Variants in CHRM5 observed in about 807,000 individuals in gnomAD.
CHRM5 encodes cholinergic receptor muscarinic 5.
Under a neutral mutation model 39.0 loss-of-function variants are expected in CHRM5, and 18 were observed. That is an observed-to-expected ratio of 0.46 (90% CI 0.32 to 0.68). CHRM5 has a LOEUF of 0.68. Among genes scored for constraint, CHRM5 ranks in the 30% least tolerant of loss-of-function variants. The pLI, the probability that CHRM5 is intolerant of heterozygous loss-of-function variation, is 0.04. For missense variants in CHRM5, 515 were observed against 651.1 expected (o/e 0.79, Z 2.28); for synonymous variants, 241 against 246.3 (o/e 0.98, Z 0.20).
chr15:34,012,859 G>A (rs985613142), intron 1 of CHRM5, among the ~76,000 whole-genome samples: 2 of 152,138 alleles, frequency 1.3e-5, no homozygotes, highest in African/African-American at 4.8e-5. Context: ...CTACGGCTAG[G>A]TTCTGGGGTT....
intron 1 of CHRM5, chr15:34,003,229 A>C: frequency 6.2e-7 from 1 of 1,611,228 alleles, no homozygotes; most frequent in Non-Finnish European, 8.5e-7. Context: ...TTAGAGACAA[A>C]TCAATAAGTA....
At chr15:34,003,767 T>C (rs1897227649) in intron 1 of CHRM5, among the ~76,000 whole-genome samples, 1 of 152,238 alleles carries the variant, frequency 6.6e-6, no homozygotes, top group South Asian at 2.1e-4. Flanking sequence ...ACTACATTTA[T>C]ACATAAGATT....
At chr15:34,021,695 A>C (rs1898206765) in intron 1 of CHRM5, among the ~76,000 whole-genome samples, 1 of 152,024 alleles carries the variant, frequency 6.6e-6, no homozygotes, top group South Asian at 2.1e-4. Flanking sequence ...TCTCTACTAA[A>C]AATACAAAAA....
chr15:34,038,704 G>A, intron 1 of CHRM5: 1 of 1,103,188 alleles, frequency 9.1e-7, no homozygotes, highest in East Asian at 4.8e-5. Flanking sequence ...GCTCTCTTGC[G>A]GCTCTTGACT....
In CHRM5 at chr15:33,980,468, C is replaced by T. The variant is rs553024118; in HGVS notation, c.-408+11318C>T. ...CAAACGTGCTGCCTCCCAGGCAACACGTCCTCTGATTTCTCTTGTTGTGGG... is the reference window on the plus strand; with the variant it reads ...CAAACGTGCTGCCTCCCAGGCAACATGTCCTCTGATTTCTCTTGTTGTGGG... On this transcript the variant is annotated intron_variant, in intron 1 of 2. Coordinates refer to ENST00000383263, the MANE Select transcript of CHRM5 (RefSeq NM_012125.4). 1.3e-3 allele frequency among the ~76,000 whole-genome samples: 195 copies of T among 152,286 alleles called. No individual in the cohort carries two copies. In the Middle Eastern group the frequency reaches 0.02, roughly 16 times the overall value.
rs1899697728 is a variant in CHRM5, at chr15:34,046,700, G to C, written c.-247G>C. The C allele has an allele frequency of 6.6e-6, 1 of 152,272 alleles. No homozygotes were observed. Among genetic ancestry groups the C allele is most frequent in the Non-Finnish European group, 1.5e-5 (1 of 68,062 alleles). 9.4% of individuals were successfully genotyped at this position (152,272 alleles called of 1,614,324 possible). A position where few individuals can be genotyped will look rare whatever the true frequency, so the allele number is the denominator to read the frequency against. On this transcript the variant is annotated 5_prime_UTR_variant, in exon 2 of 3. It removes an upstream start codon present in the reference 5' UTR. Transcript: ENST00000383263. ...GCCCGCAGCTCTCATGCAAAGGAAT[G>C]AAAGGTGTGAGTGAATACAGCGCCT... is the stretch of plus-strand genomic sequence containing the variant.
intron 1 of CHRM5, among the ~76,000 whole-genome samples, chr15:34,016,638 G>A (rs1294726427): frequency 2.0e-5 from 3 of 152,090 alleles, no homozygotes; most frequent in Admixed American, 1.3e-4. Flanking sequence ...ACTAACTAAA[G>A]CCAAGTGTCT....
At position 34,031,139 on chromosome 15, in the gene CHRM5, A is replaced by G. The variant is rs186372519; in HGVS notation, c.-407-15401A>G. 3.7e-5 allele frequency among the ~76,000 whole-genome samples: 5 copies of G among 136,866 alleles called. No homozygotes were observed. In the East Asian group the frequency reaches 8.6e-4, roughly 24 times the overall value. The allele number at this position is 136,866 out of a possible 152,430, so 89.8% of individuals were successfully genotyped here. ...TATGAGTTTTTTTTTGTAACAGCCT[A>G]TTATCCCAATTATGCTTTGCTTAGG... On this transcript the variant is annotated intron_variant, in intron 1 of 2. Coordinates refer to ENST00000383263, the MANE Select transcript of CHRM5 (RefSeq NM_012125.4).
chr15:33,986,074 C>T (rs894660025), intron 1 of CHRM5, among the ~76,000 whole-genome samples: 10 of 149,458 alleles, frequency 6.7e-5, no homozygotes, highest in African/African-American at 2.2e-4. Context: ...TTTGTGAAAA[C>T]CTCACATTTC....
rs79862042 is a variant in CHRM5, at chr15:34,007,276, C to T, written c.-408+38126C>T. On this transcript the variant is annotated intron_variant, in intron 1 of 2. Transcript: ENST00000383263. ...GTCATTTTTGACCTCACCTGCTCTG[C>T]AGAATGAAAATGAAAAAATGAAATA... Among the ~76,000 whole-genome samples the T allele has an allele frequency of 3.1e-3, 476 of 152,158 alleles. 5 individuals carry two copies. Among genetic ancestry groups the T allele is most frequent in the African/African-American group, 0.011 (455 of 41,510 alleles).
At chr15:34,015,904 C>A (rs562145776) in intron 1 of CHRM5, among the ~76,000 whole-genome samples, 1 of 152,328 alleles carries the variant, frequency 6.6e-6, no homozygotes, top group East Asian at 1.9e-4. Flanking sequence ...ACAGTACATT[C>A]CTGGCTCCTT....
intron 1 of CHRM5, among the ~76,000 whole-genome samples, chr15:34,017,239 C>T (rs1897958486): frequency 6.6e-6 from 1 of 152,136 alleles, no homozygotes; most frequent in African/African-American, 2.4e-5. Context: ...ATCCAAAAGC[C>T]TAGAACTGAG....
chr15:34,047,810 G>A (rs1275851925), intron 2 of CHRM5, among the ~76,000 whole-genome samples: 4 of 152,006 alleles, frequency 2.6e-5, no homozygotes, highest in African/African-American at 9.7e-5. Flanking sequence ...GTGCAATGGC[G>A]CAATCTCGGC....
In CHRM5 at chr15:34,064,133, C is replaced by A. The variant is rs1010626032; in HGVS notation, c.1416C>A (p.Val472=). Residue 472 remains valine, a synonymous_variant, in exon 3 of 3, where the codon GTC becomes GTA. Transcript: ENST00000383263. ...VLVSTFCDKC[V]PVTLWHLGYW... Reference sequence around the variant, plus strand: ...TTTCTACCTTCTGTGACAAGTGTGTCCCAGTCACCCTGTGGCACTTGGGCT... The same window carrying A: ...TTTCTACCTTCTGTGACAAGTGTGTACCAGTCACCCTGTGGCACTTGGGCT... 12 of 1,614,084 alleles carry A rather than the reference C, an allele frequency of 7.4e-6. No individual in the cohort carries two copies. In the Admixed American group the frequency reaches 1.7e-4, roughly 22 times the overall value.
At chr15:34,038,048 A>G (rs1373229329) in intron 1 of CHRM5, among the ~76,000 whole-genome samples, 1 of 152,190 alleles carries the variant, frequency 6.6e-6, no homozygotes, top group African/African-American at 2.4e-5. Context: ...CCAATCTCCA[A>G]AAACTTCCTT....
intron 1 of CHRM5, among the ~76,000 whole-genome samples, chr15:34,028,320 T>G (rs1162403576): frequency 6.6e-6 from 1 of 152,202 alleles, no homozygotes; most frequent in Admixed American, 6.5e-5. Flanking sequence ...GTCCCAGCAC[T>G]TTGGGAAGCC....
Position 34,036,876 on chromosome 15 carries a change from G to C in CHRM5, c.-407-9664G>C, listed in dbSNP as rs557886344. Among the ~76,000 whole-genome samples the C allele has an allele frequency of 9.9e-5, 15 of 152,272 alleles. 1 individual carries two copies. The South Asian group carries it at 3.1e-3, about 32-fold the overall frequency. ...CCATATCCCAGCACCTTGGGAGGCC[G>C]AGGCGGGTGGATCACCTGAGGTCAG... is the stretch of plus-strand genomic sequence containing the variant. On this transcript the variant is annotated intron_variant, in intron 1 of 2. Coordinates refer to ENST00000383263, the MANE Select transcript of CHRM5 (RefSeq NM_012125.4).
At chr15:33,977,893 C>T (rs1567444116) in intron 1 of CHRM5, among the ~76,000 whole-genome samples, 1 of 151,276 alleles carries the variant, frequency 6.6e-6, no homozygotes, top group African/African-American at 2.4e-5. Context: ...GCTGTGAACA[C>T]GCCACTGCAC....
intron 1 of CHRM5, chr15:33,991,811 T>C (rs1896738126): frequency 6.6e-6 from 1 of 151,668 alleles, no homozygotes; most frequent in South Asian, 2.1e-4. Context: ...AAAGAAACAC[T>C]GAAAAAAACT....
Sources: gnomAD v4.1 joint callset for allele counts (sites outside exome capture counted in the v4.1 genomes callset) on GRCh38, gnomAD v4.1.1 for gene constraint, MANE v1.5 for transcripts, NCBI Gene and HGNC (gene_info 2026-07-23, HGNC 2026-07-21) for gene names.